PDE12: variants seen among roughly 807,000 people sequenced by gnomAD.
PDE12 encodes the protein phosphodiesterase 12, also known as 2',5'-phosphodiesterase 12.
A neutral mutation model predicts 45.4 loss-of-function variants in PDE12; 26 were observed. The ratio of observed to expected loss-of-function variants is 0.57; its 90% CI spans 0.42 to 0.79. The LOEUF (loss-of-function observed/expected upper bound fraction) is 0.79. Ranked by LOEUF, PDE12 falls within the 30% of genes least tolerant of loss-of-function variation. PDE12 has a pLI of 0.00. For synonymous variants in PDE12, 283 were observed against 323.9 expected (o/e 0.87, Z 1.36); for missense variants, 668 against 790.0 (o/e 0.85, Z 1.85).
chr3:57,560,414 C>T lies in PDE12; in HGVS notation c.*410C>T, dbSNP rs950986193. ...AATCTCGGCTCACTGCAACCTCCGC[C>T]CCCTGGGTTTAAGCGATTCTCCTGC... On this transcript the variant is annotated 3_prime_UTR_variant, in exon 3 of 3. Coordinates refer to ENST00000311180, the MANE Select transcript of PDE12 (RefSeq NM_177966.7). 20 of 617,838 alleles carry T rather than the reference C, an allele frequency of 3.2e-5. No individual in the cohort carries two copies. In the African/African-American group the frequency reaches 3.8e-4, roughly 12 times the overall value. 38.3% of individuals were successfully genotyped at this position (617,838 alleles called of 1,614,324 possible).
the PDE12 span, chr3:57,583,885 C>G: frequency 3.1e-5 from 48 of 1,533,986 alleles, no homozygotes; most frequent in African/African-American, 4.9e-4. Flanking sequence ...TAAAAACATA[C>G]AGTATCCCTT....
At chr3:57,643,077 G>A in the PDE12 span, among the ~76,000 whole-genome samples, 1 of 151,962 alleles carries the variant, frequency 6.6e-6, no homozygotes, top group Non-Finnish European at 1.5e-5. Flanking sequence ...AGAAGGGGTT[G>A]AGGGAAAAGC....
the PDE12 span, chr3:57,572,303 AAAGAG>A: frequency 7.5e-6 from 12 of 1,606,296 alleles, no homozygotes; most frequent in Middle Eastern, 1.7e-4. Context: ...ATACCACTGT[AAAGAG>A]AAGACAAGAA....
chr3:57,557,542 AG>A lies in PDE12; in HGVS notation c.1164del (p.Lys388AsnfsTer31). The A allele has an allele frequency of 6.2e-7, 1 of 1,614,100 alleles. No homozygotes were observed. Among genetic ancestry groups the A allele is most frequent in the Non-Finnish European group, 8.5e-7 (1 of 1,180,030 alleles). ...GAAGGCCTGGCCACTTTCTACCGAA[AG>A]TCTAAGTTCAGCCTTCTTAGCCAGC... ...QHEGLATFYR[K>X]SKFSLLSQHD... On this transcript the variant is annotated frameshift_variant, in exon 1 of 3. Coordinates refer to ENST00000311180, the MANE Select transcript of PDE12 (RefSeq NM_177966.7). LOFTEE classifies it high-confidence loss of function.
chr3:57,628,158 A>G, the PDE12 span: 2 of 1,571,194 alleles, frequency 1.3e-6, no homozygotes, highest in Non-Finnish European at 1.7e-6. Flanking sequence ...TCTGGTTGAA[A>G]TGTCAGTATG....
At chr3:57,587,454 T>C in the PDE12 span, among the ~76,000 whole-genome samples, 3 of 151,930 alleles carry the variant, frequency 2.0e-5, no homozygotes, top group Non-Finnish European at 4.4e-5. Context: ...TTTCTTTTAA[T>C]AGGTTTTATA....
the PDE12 span, among the ~76,000 whole-genome samples, chr3:57,646,985 G>C: frequency 6.6e-6 from 1 of 152,134 alleles, no homozygotes; most frequent in African/African-American, 2.4e-5. Context: ...CCCTGGAATT[G>C]GGTGGAGGCC....
chr3:57,606,071 T>G, the PDE12 span, among the ~76,000 whole-genome samples: 1 of 152,122 alleles, frequency 6.6e-6, no homozygotes, highest in East Asian at 1.9e-4. Flanking sequence ...AAAAAATATG[T>G]TAAGAAATAA....
chr3:57,607,225 A>T, the PDE12 span, among the ~76,000 whole-genome samples: 2 of 152,150 alleles, frequency 1.3e-5, no homozygotes, highest in African/African-American at 4.8e-5. Flanking sequence ...GGACATTTGC[A>T]CCAAAACCCC....
chr3:57,593,947 A>T, the PDE12 span, among the ~76,000 whole-genome samples: 4 of 152,190 alleles, frequency 2.6e-5, no homozygotes, highest in South Asian at 2.1e-4. Context: ...ATAATTATTT[A>T]AAAAATATAT....
the PDE12 span, among the ~76,000 whole-genome samples, chr3:57,635,636 A>G: frequency 1.3e-5 from 2 of 152,320 alleles, no homozygotes; most frequent in Non-Finnish European, 1.5e-5. Flanking sequence ...AGTTACATAG[A>G]TCAAACTGCT....
the PDE12 span, among the ~76,000 whole-genome samples, chr3:57,617,778 G>A: frequency 1.3e-5 from 2 of 151,688 alleles, no homozygotes; most frequent in African/African-American, 4.8e-5. Flanking sequence ...GAGGTCGGGG[G>A]ACCCCTTGAG....
chr3:57,591,123 G>T, the PDE12 span, among the ~76,000 whole-genome samples: 1 of 152,128 alleles, frequency 6.6e-6, no homozygotes, highest in Non-Finnish European at 1.5e-5. Flanking sequence ...TATTGCTAGT[G>T]GGGATGTAAA....
chr3:57,630,584 C>T, the PDE12 span: 2 of 1,532,256 alleles, frequency 1.3e-6, no homozygotes, highest in Non-Finnish European at 1.8e-6. Context: ...TTCCTCAATA[C>T]CTTTCCTAGT....
chr3:57,633,784 GAAGGCTGAGAC>G, the PDE12 span, among the ~76,000 whole-genome samples: 3 of 151,940 alleles, frequency 2.0e-5, no homozygotes, highest in Non-Finnish European at 4.4e-5. Flanking sequence ...CAGCTACTTG[GAAGGCTGAGAC>G]AGAAGAATTG....
In PDE12 at chr3:57,560,086, A is replaced by G. The variant is rs2069711604; in HGVS notation, c.*82A>G. ...TTAATATGAATCAAAGCTTATATGT[A>G]AACTTCAAGGAGGAATGGTAAAATG... On this transcript the variant is annotated 3_prime_UTR_variant, in exon 3 of 3. Coordinates refer to ENST00000311180, the MANE Select transcript of PDE12 (RefSeq NM_177966.7). 6.6e-7 allele frequency: 1 copy of G among 1,505,152 alleles called. No individual in the cohort carries two copies. The highest frequency in any genetic ancestry group is 8.8e-7 in the Non-Finnish European group (1 of 1,136,346). 93.2% of individuals were successfully genotyped at this position (1,505,152 alleles called of 1,614,324 possible).
the PDE12 span, among the ~76,000 whole-genome samples, chr3:57,617,195 A>C: frequency 5.9e-5 from 9 of 152,214 alleles, no homozygotes; most frequent in African/African-American, 1.7e-4. Context: ...ATTTGAGCTC[A>C]GGAGTTCGAG....
At chr3:57,583,159 G>A in the PDE12 span, among the ~76,000 whole-genome samples, 2 of 152,160 alleles carry the variant, frequency 1.3e-5, no homozygotes, top group Non-Finnish European at 2.9e-5. Context: ...AGCACAACCC[G>A]AGAACTTGCT....
chr3:57,576,504 C>CT, the PDE12 span, among the ~76,000 whole-genome samples: 6,446 of 101,498 alleles, frequency 0.064, 261 homozygotes, highest in Non-Finnish European at 0.08. Context: ...CTCAACCAAG[C>CT]TTTTTTTTTT....
Sources: gnomAD v4.1 joint callset for allele counts (sites outside exome capture counted in the v4.1 genomes callset) on GRCh38, gnomAD v4.1.1 for gene constraint, MANE v1.5 for transcripts, NCBI Gene and HGNC (gene_info 2026-07-23, HGNC 2026-07-21) for gene names.